The following ANXA8 variants were observed in gnomAD, a reference collection of about 807,000 sequenced individuals.
ANXA8 encodes VAC-beta.
Under a neutral mutation model 26.8 loss-of-function variants are expected in ANXA8, and 9 were observed. The ratio of observed to expected loss-of-function variants is 0.34; its 90% CI spans 0.20 to 0.59. The LOEUF (loss-of-function observed/expected upper bound fraction) is 0.59. Ranked by LOEUF, ANXA8 falls within the 20% of genes least tolerant of loss-of-function variation. The pLI, the probability that ANXA8 is intolerant of heterozygous loss-of-function variation, is 0.84. For synonymous variants in ANXA8, 39 were observed against 94.8 expected (o/e 0.41, Z 3.42); for missense variants, 83 against 238.5 (o/e 0.35, Z 4.29).
the ANXA8 span, among the ~76,000 whole-genome samples, chr10:47,627,653 T>G: frequency 6.7e-6 from 1 of 150,254 alleles, no homozygotes; most frequent in East Asian, 1.9e-4. Context: ...GTACTTAACT[T>G]TCTTCTGAAA....
At chr10:47,671,603 T>C in the ANXA8 span, among the ~76,000 whole-genome samples, 2 of 151,754 alleles carry the variant, frequency 1.3e-5, no homozygotes, top group East Asian at 3.8e-4. Context: ...TCTTATTCAT[T>C]GTTGTGTCCT....
chr10:47,760,956 T>G, the ANXA8 span: 2 of 1,525,440 alleles, frequency 1.3e-6, no homozygotes, highest in Non-Finnish European at 1.8e-6. Context: ...AGACAACATG[T>G]AGGTGGCAAG....
At chr10:47,556,510 A>G in the ANXA8 span, among the ~76,000 whole-genome samples, 17 of 151,924 alleles carry the variant, frequency 1.1e-4, 1 homozygote, top group African/African-American at 4.1e-4. Flanking sequence ...GAATAAAAGA[A>G]TCTACCAAAA....
chr10:47,493,452 C>A, the ANXA8 span, among the ~76,000 whole-genome samples: 18 of 149,188 alleles, frequency 1.2e-4, no homozygotes, highest in South Asian at 6.3e-4. Context: ...AAAGCCCCTT[C>A]CCTGTTTCTT....
chr10:47,627,645 A>G, the ANXA8 span, among the ~76,000 whole-genome samples: 1 of 150,186 alleles, frequency 6.7e-6, no homozygotes, highest in African/African-American at 2.5e-5. Context: ...TATTCCTAGT[A>G]CTTAACTTTC....
At chr10:47,625,949 T>C in the ANXA8 span, among the ~76,000 whole-genome samples, 27 of 150,798 alleles carry the variant, frequency 1.8e-4, no homozygotes, top group Non-Finnish European at 2.5e-4. Flanking sequence ...CTAAACTCTC[T>C]ATATAAGTGA....
the ANXA8 span, among the ~76,000 whole-genome samples, chr10:47,694,453 C>T: frequency 1.5e-5 from 2 of 130,620 alleles, no homozygotes; most frequent in African/African-American, 5.9e-5. Context: ...TGGAGTCTTG[C>T]TCTGTTGCCC....
chr10:47,686,258 A>G, the ANXA8 span, among the ~76,000 whole-genome samples: 1 of 137,828 alleles, frequency 7.3e-6, no homozygotes, highest in Middle Eastern at 3.5e-3. Context: ...AGACAGAGTC[A>G]CCCAGACTGG....
At chr10:47,982,782 G>A in the ANXA8 span, among the ~76,000 whole-genome samples, 3 of 83,946 alleles carry the variant, frequency 3.6e-5, no homozygotes, top group African/African-American at 8.3e-5. Flanking sequence ...CCACAGAATG[G>A]GAAGAAGTAT....
chr10:47,895,074 C>T, the ANXA8 span, among the ~76,000 whole-genome samples: 2 of 152,098 alleles, frequency 1.3e-5, no homozygotes, highest in South Asian at 4.2e-4. Context: ...CTCACATGTG[C>T]CACACACATA....
the ANXA8 span, among the ~76,000 whole-genome samples, chr10:47,733,213 C>CT: frequency 5.4e-3 from 369 of 67,838 alleles, no homozygotes; most frequent in African/African-American, 7.7e-3. Flanking sequence ...TTCTTTCTTT[C>CT]TTTCTTTCTC....
chr10:47,743,355 C>CATATATAT, the ANXA8 span, among the ~76,000 whole-genome samples: 2 of 45,170 alleles, frequency 4.4e-5, no homozygotes, highest in African/African-American at 1.4e-4. Context: ...TATATATATA[C>CATATATAT]ACATATATAT....
chr10:47,488,606 A>G (rs1186214370), upstream of ANXA8, among the ~76,000 whole-genome samples: 1 of 150,132 alleles, frequency 6.7e-6, no homozygotes, highest in Non-Finnish European at 1.5e-5. Context: ...ATCTACCTGG[A>G]ATCTATTTTG....
At chr10:47,507,074 GT>G in the ANXA8 span, among the ~76,000 whole-genome samples, 1,370 of 134,376 alleles carry the variant, frequency 0.01, 102 homozygotes, top group African/African-American at 0.035. Context: ...TTGTAGAAAA[GT>G]TTTTTTTCAA....
the ANXA8 span, among the ~76,000 whole-genome samples, chr10:47,699,838 AAAT>A: frequency 1.5e-3 from 224 of 151,852 alleles, 1 homozygote; most frequent in Admixed American, 2.4e-3. Context: ...TCTCAAAAAA[AAAT>A]AATAATAATA....
chr10:47,723,748 A>G, the ANXA8 span, among the ~76,000 whole-genome samples: 1 of 124,744 alleles, frequency 8.0e-6, no homozygotes, highest in African/African-American at 2.9e-5. Context: ...CTTCACCCTG[A>G]TTTTCTCCTC....
the ANXA8 span, among the ~76,000 whole-genome samples, chr10:47,589,896 A>AGATAGAT: frequency 2.3e-5 from 3 of 128,538 alleles, no homozygotes; most frequent in Non-Finnish European, 4.6e-5. Context: ...GGGGAAAGAT[A>AGATAGAT]GATAGATGAT....
chr10:47,597,763 A>ATT, the ANXA8 span, among the ~76,000 whole-genome samples: 1 of 107,862 alleles, frequency 9.3e-6, no homozygotes, highest in Admixed American at 1.0e-4. Context: ...GAAATCATAG[A>ATT]TGACACAAAC....
the ANXA8 span, among the ~76,000 whole-genome samples, chr10:47,944,716 A>T: frequency 6.6e-6 from 1 of 150,446 alleles, no homozygotes; most frequent in African/African-American, 2.5e-5. Flanking sequence ...TTTGCTCCTC[A>T]TTCACCTTCC....
Sources: gnomAD v4.1 joint callset for allele counts (sites outside exome capture counted in the v4.1 genomes callset) on GRCh38, gnomAD v4.1.1 for gene constraint, MANE v1.5 for transcripts, NCBI Gene and HGNC (gene_info 2026-07-23, HGNC 2026-07-21) for gene names.